Variants in DYNC1LI1 observed in about 807,000 individuals in gnomAD.
DYNC1LI1 encodes the protein dynein cytoplasmic 1 light intermediate chain 1, also known as cytoplasmic dynein 1 light intermediate chain 1.
Under a neutral mutation model 63.8 loss-of-function variants are expected in DYNC1LI1, and 19 were observed. That is an observed-to-expected ratio of 0.30 (90% CI 0.21 to 0.44). DYNC1LI1 has a LOEUF of 0.44. Among genes scored for constraint, DYNC1LI1 ranks in the 20% least tolerant of loss-of-function variants. DYNC1LI1 has a pLI of 1.00. For synonymous variants in DYNC1LI1, 225 were observed against 232.3 expected (o/e 0.97, Z 0.28); for missense variants, 565 against 630.2 (o/e 0.90, Z 1.11).
chr3:32,539,430 C>T (rs1697846793), intron 5 of DYNC1LI1, among the ~76,000 whole-genome samples: 1 of 152,060 alleles, frequency 6.6e-6, no homozygotes, highest in African/African-American at 2.4e-5. Flanking sequence ...AATTTCAGGT[C>T]TCAAAAGGAC....
chr3:32,548,605 T>G (rs990822367), intron 2 of DYNC1LI1, among the ~76,000 whole-genome samples: 1 of 151,466 alleles, frequency 6.6e-6, no homozygotes, highest in African/African-American at 2.4e-5. Flanking sequence ...GGGAAGGGAG[T>G]TGGGGAGAGA....
intron 4 of DYNC1LI1, among the ~76,000 whole-genome samples, chr3:32,542,075 T>G (rs1368105287): frequency 6.6e-6 from 1 of 152,202 alleles, no homozygotes; most frequent in African/African-American, 2.4e-5. Flanking sequence ...CAACGTATGA[T>G]TCCAGCTTAG....
chr3:32,536,391 A>G (rs988537765), intron 6 of DYNC1LI1, among the ~76,000 whole-genome samples: 8 of 152,170 alleles, frequency 5.3e-5, no homozygotes, highest in African/African-American at 1.7e-4. Flanking sequence ...AAAGTCTCTA[A>G]AAAGTACTCA....
intron 2 of DYNC1LI1, 64 bp downstream of exon 2, chr3:32,570,282 C>T (rs1698327472): frequency 7.4e-7 from 1 of 1,343,344 alleles, no homozygotes; most frequent in Non-Finnish European, 1.0e-6. Context: ...CGAGCTAGCC[C>T]GCGGACCAGG....
At position 32,545,055 on chromosome 3, in the gene DYNC1LI1, C is replaced by A; in HGVS notation, c.389G>T (p.Gly130Val). The change falls in exon 4 of 13, where the codon GGC becomes GTC. Residue 130 changes from glycine to valine, a missense_variant. Gly to Val is a moderately radical substitution (Grantham distance 109). Coordinates refer to ENST00000273130, the MANE Select transcript of DYNC1LI1 (RefSeq NM_016141.4). ...WILDGDLYHK[G>V]LLKFSLDAVS... The stretch of plus-strand genomic sequence containing the variant: ...GGCATCCAGTGAAAATTTAAGGAGG[C>A]CTTTGTGATATAGGTCTCCATCTAA... 3 of 1,614,010 alleles carry A rather than the reference C, an allele frequency of 1.9e-6. No individual in the cohort carries two copies. The highest frequency in any genetic ancestry group is 1.1e-5 in the South Asian group (1 of 91,066).
At chr3:32,542,582 A>G (rs1180881241) in intron 4 of DYNC1LI1, among the ~76,000 whole-genome samples, 1 of 151,820 alleles carries the variant, frequency 6.6e-6, no homozygotes, top group East Asian at 1.9e-4. Context: ...TAATTTTTGT[A>G]TTTTTAGAAA....
intron 2 of DYNC1LI1, among the ~76,000 whole-genome samples, chr3:32,549,157 T>C (rs1041643270): frequency 3.3e-5 from 5 of 152,056 alleles, no homozygotes; most frequent in African/African-American, 9.7e-5. Flanking sequence ...CCAAGTTCTA[T>C]AGTTTCTATG....
chr3:32,527,795 T>C (rs1697640629), intron 12 of DYNC1LI1, among the ~76,000 whole-genome samples: 1 of 152,112 alleles, frequency 6.6e-6, no homozygotes, highest in Non-Finnish European at 1.5e-5. Context: ...AAATGTGGTA[T>C]AGCCATATAA....
chr3:32,538,367 T>C (rs192708728), intron 5 of DYNC1LI1, among the ~76,000 whole-genome samples: 24 of 151,900 alleles, frequency 1.6e-4, no homozygotes, highest in African/African-American at 3.6e-4. Flanking sequence ...CTTTGACTTA[T>C]TGACACTTTT....
rs1348832870 is a variant in DYNC1LI1, at chr3:32,570,815, G to C, written c.-45C>G. ...ACTCCCGGCAAGACTAAATGTGCGA[G>C]GCGGCTGAGGCGGTGGCGGTGGAGG... On this transcript the variant is annotated 5_prime_UTR_variant, in exon 1 of 13. Transcript: ENST00000273130. The C allele has an allele frequency of 6.4e-7, 1 of 1,569,468 alleles. No homozygotes were observed. Among genetic ancestry groups the C allele is most frequent in the East Asian group, 2.4e-5 (1 of 42,152 alleles).
At chr3:32,549,591 A>AAT (rs138700559) in intron 2 of DYNC1LI1, among the ~76,000 whole-genome samples, 2,130 of 152,302 alleles carry the variant, frequency 0.014, 45 homozygotes, top group African/African-American at 0.049. Flanking sequence ...TGAACAACAC[A>AAT]ATATTCAATA....
intron 2 of DYNC1LI1, chr3:32,570,122 G>T (rs1340918192): frequency 1.5e-6 from 1 of 679,862 alleles, no homozygotes. Flanking sequence ...CCCATATACC[G>T]GGGAGGAGGA....
intron 2 of DYNC1LI1, among the ~76,000 whole-genome samples, chr3:32,549,415 G>A: frequency 6.6e-6 from 1 of 151,726 alleles, no homozygotes; most frequent in East Asian, 1.9e-4. Flanking sequence ...CTAGAACTAG[G>A]AAAAGAATCA....
rs1453718935 is a variant in DYNC1LI1, at chr3:32,538,006, ATAATAT to A, written c.739-908_739-903del. Reference sequence around the variant, plus strand: ...TAATATATATATATAATTTATATATATAATATATATATATAATTTATATATATAATA... The same window carrying A: ...TAATATATATATATAATTTATATATAATATATATAATTTATATATATAATA... On this transcript the variant is annotated intron_variant, in intron 5 of 12. Coordinates refer to ENST00000273130, the MANE Select transcript of DYNC1LI1 (RefSeq NM_016141.4). Among the ~76,000 whole-genome samples, 4 of 41,656 alleles carry A rather than the reference ATAATAT, an allele frequency of 9.6e-5. 1 individual carries two copies. The highest frequency in any genetic ancestry group is 5.1e-4 in the African/African-American group (4 of 7,876). The allele number at this position is 41,656 out of a possible 152,430, so 27.3% of individuals were successfully genotyped here.
At chr3:32,569,442 G>A (rs1199307735) in intron 2 of DYNC1LI1, among the ~76,000 whole-genome samples, 1 of 151,952 alleles carries the variant, frequency 6.6e-6, no homozygotes, top group Non-Finnish European at 1.5e-5. Context: ...TTTTTAGATG[G>A]ATATAACCAA....
At chr3:32,550,145 C>T (rs1436710540) in intron 2 of DYNC1LI1, among the ~76,000 whole-genome samples, 1 of 152,104 alleles carries the variant, frequency 6.6e-6, no homozygotes, top group Non-Finnish European at 1.5e-5. Context: ...ATCAAAAATA[C>T]TATTGGCCGG....
At position 32,534,195 on chromosome 3, in the gene DYNC1LI1, G is replaced by A. The variant is rs76945622; in HGVS notation, c.968+316C>T. On this transcript the variant is annotated intron_variant, in intron 7 of 12. Transcript: ENST00000273130. ...TCAGCCAGGTAATTTTTAAAAGCAT[G>A]TCTAGATCTCATATTTGGTCATTTA... Among the ~76,000 whole-genome samples, 969 of 152,206 alleles carry A rather than the reference G, an allele frequency of 6.4e-3. 8 individuals are homozygous for A. Among genetic ancestry groups the A allele is most frequent in the African/African-American group, 0.022 (918 of 41,532 alleles).
chr3:32,546,004 A>T, intron 2 of DYNC1LI1, 39 bp from the exon 3 acceptor site: 1 of 1,367,144 alleles, frequency 7.3e-7, no homozygotes, highest in Non-Finnish European at 1.0e-6. Context: ...ATAAATTATA[A>T]CACCGATTAT....
Position 32,561,016 on chromosome 3 carries a change from A to C in DYNC1LI1, c.220+9330T>G, listed in dbSNP as rs201766604. ...AAACTCCGTCTCAAAAAAAAAAAAA[A>C]AAAAAAAAAAAAAAAAACAAACAAA... On this transcript the variant is annotated intron_variant, in intron 2 of 12. Transcript: ENST00000273130. Among the ~76,000 whole-genome samples, 298 of 110,592 alleles carry C rather than the reference A, an allele frequency of 2.7e-3. 4 individuals carry two copies. Among genetic ancestry groups the C allele is most frequent in the East Asian group, 0.012 (37 of 3,116 alleles). 72.6% of individuals were successfully genotyped at this position (110,592 alleles called of 152,430 possible). A position where few individuals can be genotyped will look rare whatever the true frequency, so the allele number is the denominator to read the frequency against.
Sources: gnomAD v4.1 joint callset for allele counts (sites outside exome capture counted in the v4.1 genomes callset) on GRCh38, gnomAD v4.1.1 for gene constraint, MANE v1.5 for transcripts, NCBI Gene and HGNC (gene_info 2026-07-23, HGNC 2026-07-21) for gene names.